CDC5L: variants seen among roughly 807,000 people sequenced by gnomAD.
CDC5L encodes the protein cell division cycle 5-like protein.
CDC5L carries 18 observed loss-of-function variants against 104.1 expected under a neutral mutation model. The observed-to-expected ratio is 0.17, with a 90% confidence interval of 0.12 to 0.26. The LOEUF is 0.26. CDC5L is among the 10% of genes least tolerant of loss of function. The pLI is 1.00. For missense variants in CDC5L, 673 were observed against 956.9 expected (o/e 0.70, Z 3.91); for synonymous variants, 331 against 322.7 (o/e 1.03, Z -0.28).
chr6:44,419,742 T>A, intron 9 of CDC5L, 145 bp downstream of exon 9: 1 of 670,750 alleles, frequency 1.5e-6, no homozygotes, highest in Non-Finnish European at 2.6e-6. Flanking sequence ...TAAATAATAG[T>A]GTCCAGGAAA....
intron 11 of CDC5L, among the ~76,000 whole-genome samples, chr6:44,425,084 A>G (rs1046153113): frequency 2.0e-5 from 3 of 152,150 alleles, no homozygotes; most frequent in African/African-American, 7.2e-5. Context: ...GTGTGTCAAA[A>G]TAATATTAGT....
intron 14 of CDC5L, among the ~76,000 whole-genome samples, chr6:44,441,232 C>T (rs1009924612): frequency 1.3e-5 from 2 of 152,202 alleles, no homozygotes; most frequent in Admixed American, 1.3e-4. Flanking sequence ...TACAAGTTAA[C>T]ATCATATGAT....
intron 14 of CDC5L, among the ~76,000 whole-genome samples, chr6:44,436,077 C>T (rs1270929701): frequency 1.3e-5 from 2 of 151,878 alleles, no homozygotes; most frequent in African/African-American, 4.8e-5. Flanking sequence ...CGTGCCCAGC[C>T]GAGTAATTGT....
Position 44,447,034 on chromosome 6 carries a change from A to T in CDC5L, c.*323A>T, listed in dbSNP as rs560668051. 1.9e-4 allele frequency: 32 copies of T among 172,396 alleles called. No homozygotes were observed. The highest frequency in any genetic ancestry group is 1.3e-3 in the Admixed American group (21 of 16,002). The allele number at this position is 172,396 out of a possible 1,614,324, so 10.7% of individuals were successfully genotyped here. A position where few individuals can be genotyped will look rare whatever the true frequency, so the allele number is the denominator to read the frequency against. The stretch of plus-strand genomic sequence containing the variant: ...TAACTCTTGAATAAAAACAAAATAT[A>T]AAAAATTGAGAATGTAGCCTTTTGT... On this transcript the variant is annotated 3_prime_UTR_variant, in exon 16 of 16. Transcript: ENST00000371477.
chr6:44,405,012 G>A (rs541809101), intron 6 of CDC5L, among the ~76,000 whole-genome samples: 1 of 152,134 alleles, frequency 6.6e-6, no homozygotes, highest in Non-Finnish European at 1.5e-5. Context: ...CTTTTCTAGT[G>A]AAAAATTTTA....
chr6:44,428,119 A>G (rs952746878), intron 13 of CDC5L, among the ~76,000 whole-genome samples: 2 of 152,234 alleles, frequency 1.3e-5, no homozygotes, highest in African/African-American at 4.8e-5. Flanking sequence ...CGTAATGATT[A>G]TAAGATCTGA....
chr6:44,448,234 A>G lies in CDC5L; in HGVS notation c.*1523A>G, dbSNP rs1441419304. On this transcript the variant is annotated 3_prime_UTR_variant, in exon 16 of 16. Transcript: ENST00000371477. ...TGTATGTTTGAGGAACAAAAAGGAC[A>G]ATGCAGCTAGAGTGTCAAGAATGGC... 3 of 152,228 alleles carry G rather than the reference A, an allele frequency of 2.0e-5. No individual in the cohort carries two copies. The highest frequency in any genetic ancestry group is 4.4e-5 in the Non-Finnish European group (3 of 68,046). 9.4% of individuals were successfully genotyped at this position (152,228 alleles called of 1,614,324 possible).
At chr6:44,411,911 G>C (rs890129509) in intron 8 of CDC5L, among the ~76,000 whole-genome samples, 1 of 152,118 alleles carries the variant, frequency 6.6e-6, no homozygotes, top group Non-Finnish European at 1.5e-5. Flanking sequence ...GGGTGTTCAA[G>C]GCCAGATAAA....
chr6:44,436,860 C>T (rs772794692), intron 14 of CDC5L, among the ~76,000 whole-genome samples: 4 of 152,052 alleles, frequency 2.6e-5, no homozygotes, highest in Non-Finnish European at 2.9e-5. Flanking sequence ...TGAAGTTTAC[C>T]CTTTCATATT....
At position 44,443,492 on chromosome 6, in the gene CDC5L, A is replaced by C. The variant is rs938189688; in HGVS notation, c.2092-2163A>C. On this transcript the variant is annotated intron_variant, in intron 14 of 15. Transcript: ENST00000371477. ...GATAATGCATAAGTTGTTCTCCATG[A>C]TGGTGTCCCATAAGTCTCTTAAGTC... Among the ~76,000 whole-genome samples, 7 of 151,400 alleles carry C rather than the reference A, an allele frequency of 4.6e-5. No homozygotes were observed. In the South Asian group the frequency reaches 1.5e-3, roughly 32 times the overall value.
chr6:44,422,269 G>A (rs557347593), intron 9 of CDC5L, among the ~76,000 whole-genome samples: 36 of 152,308 alleles, frequency 2.4e-4, no homozygotes, highest in African/African-American at 8.7e-4. Flanking sequence ...GGAGGGAGGA[G>A]ACAAATATAC....
rs76728628 is a variant in CDC5L at position 44,419,834 on chromosome 6, C to T, written c.1241+237C>T. Among the ~76,000 whole-genome samples, 737 of 152,174 alleles carry T rather than the reference C, an allele frequency of 4.8e-3. 3 individuals are homozygous for T. The highest frequency in any genetic ancestry group is 0.017 in the African/African-American group (705 of 41,502). On this transcript the variant is annotated intron_variant, in intron 9 of 15. Coordinates refer to ENST00000371477, the MANE Select transcript of CDC5L (RefSeq NM_001253.4). ...TTACCCAGGCTGGAGTGCAGTAGCG[C>T]GATCTCAGCTTACGGAACCCCTCTG...
At chr6:44,424,763 C>A (rs560984685) in intron 11 of CDC5L, among the ~76,000 whole-genome samples, 180 bp downstream of exon 11, 2 of 152,184 alleles carry the variant, frequency 1.3e-5, no homozygotes, top group Admixed American at 6.5e-5. Context: ...AACATACTCA[C>A]AATATTTTGA....
chr6:44,422,547 T>C, intron 9 of CDC5L, 100 bp from the exon 10 acceptor site: 1 of 805,044 alleles, frequency 1.2e-6, no homozygotes, highest in South Asian at 2.3e-5. Flanking sequence ...ATTCTTTTTT[T>C]TTTCTATATT....
chr6:44,395,519 C>T (rs1030495088), intron 4 of CDC5L, among the ~76,000 whole-genome samples: 1 of 152,194 alleles, frequency 6.6e-6, no homozygotes, highest in African/African-American at 2.4e-5. Flanking sequence ...CCTGCTTTAC[C>T]TTAGCAGGGT....
At chr6:44,388,735 C>T (rs978544389) in intron 1 of CDC5L, among the ~76,000 whole-genome samples, 10 of 148,684 alleles carry the variant, frequency 6.7e-5, no homozygotes, top group African/African-American at 2.2e-4. Flanking sequence ...TCTGATCATC[C>T]TTCAAACCTA....
At chr6:44,444,086 G>A (rs1429520122) in intron 14 of CDC5L, among the ~76,000 whole-genome samples, 1 of 152,122 alleles carries the variant, frequency 6.6e-6, no homozygotes, top group Non-Finnish European at 1.5e-5. Flanking sequence ...CCTGTGATCA[G>A]TAAGGCAGAA....
At chr6:44,413,343 C>T (rs1791744033) in intron 8 of CDC5L, among the ~76,000 whole-genome samples, 1 of 152,148 alleles carries the variant, frequency 6.6e-6, no homozygotes, top group Non-Finnish European at 1.5e-5. Flanking sequence ...TTTGTCATTG[C>T]ATAATATTCC....
chr6:44,445,620 C>T (rs770331138), intron 14 of CDC5L, 35 bp from the exon 15 acceptor site: 1 of 1,499,396 alleles, frequency 6.7e-7, no homozygotes, highest in South Asian at 1.2e-5. Flanking sequence ...CTGCTTTTCT[C>T]ATGTATGCTG....
Sources: gnomAD v4.1 joint callset for allele counts (sites outside exome capture counted in the v4.1 genomes callset) on GRCh38, gnomAD v4.1.1 for gene constraint, MANE v1.5 for transcripts, NCBI Gene and HGNC (gene_info 2026-07-23, HGNC 2026-07-21) for gene names.